The following CADM2 variants were observed in gnomAD, a reference collection of about 807,000 sequenced individuals.
CADM2 encodes the protein immunoglobulin superfamily member 4D.
CADM2 carries 12 observed loss-of-function variants against 49.8 expected under a neutral mutation model. The ratio of observed to expected loss-of-function variants is 0.24; its 90% CI spans 0.15 to 0.39. The LOEUF is 0.39. CADM2 is among the 10% of genes least tolerant of loss of function. CADM2 has a pLI of 1.00. For synonymous variants in CADM2, 214 were observed against 175.4 expected, an observed-to-expected ratio of 1.22 and a Z score of -1.74; for missense variants, 378 against 492.3, an observed-to-expected ratio of 0.77 and a Z score of 2.20.
At chr3:85,994,754 A>C (rs2108717231) in intron 8 of CADM2, 1 of 152,390 alleles carries the variant, frequency 6.6e-6, no homozygotes, top group South Asian at 2.1e-4. Flanking sequence ...GCTGGTCAGT[A>C]AATTAGTCAG....
At chr3:86,026,929 C>T (rs1733967953) in intron 8 of CADM2, among the ~76,000 whole-genome samples, 1 of 152,022 alleles carries the variant, frequency 6.6e-6, no homozygotes, top group Non-Finnish European at 1.5e-5. Flanking sequence ...TAGGCAAGAA[C>T]CTTGTATTAC....
At chr3:86,036,118 G>T (rs1380202519) in intron 8 of CADM2, among the ~76,000 whole-genome samples, 1 of 152,146 alleles carries the variant, frequency 6.6e-6, no homozygotes, top group Middle Eastern at 3.4e-3. Flanking sequence ...ATATGAATTT[G>T]GGGGAACACA....
chr3:85,763,142 G>A (rs1195931142), intron 2 of CADM2, among the ~76,000 whole-genome samples: 1 of 152,110 alleles, frequency 6.6e-6, no homozygotes, highest in Non-Finnish European at 1.5e-5. Context: ...ACAACTGACT[G>A]CATCATTGCA....
chr3:85,212,819 T>TTTCTTTCC lies in CADM2; in HGVS notation c.61+253158_61+253159insCTTCTTTC, dbSNP rs1313062830. On this transcript the variant is annotated intron_variant, in intron 1 of 9. Transcript: ENST00000383699. ...TATTTTCTTCTTTTTCTTCTCTTTC[T>TTTCTTTCC]TTCTTTCTTTCTTTCTTTCTTTCTT... Among the ~76,000 whole-genome samples, 111 of 65,234 alleles carry TTTCTTTCC rather than the reference T, an allele frequency of 1.7e-3. 21 individuals are homozygous for TTTCTTTCC. The highest frequency in any genetic ancestry group is 3.3e-3 in the Admixed American group (19 of 5,700). The allele number at this position is 65,234 out of a possible 152,430, so 42.8% of individuals were successfully genotyped here. A position where few individuals can be genotyped will look rare whatever the true frequency, so the allele number is the denominator to read the frequency against.
At chr3:84,967,880 C>A (rs959137562) in intron 1 of CADM2, among the ~76,000 whole-genome samples, 5 of 151,906 alleles carry the variant, frequency 3.3e-5, no homozygotes, top group African/African-American at 1.2e-4. Flanking sequence ...ATTCCGTAAT[C>A]TCTTAATAAA....
intron 8 of CADM2, among the ~76,000 whole-genome samples, chr3:86,063,274 A>G (rs1048816771): frequency 3.9e-5 from 6 of 152,212 alleles, no homozygotes; most frequent in African/African-American, 1.4e-4. Flanking sequence ...TCTCCATCGC[A>G]TACACAATAC....
At chr3:85,860,517 G>T (rs903902497) in intron 3 of CADM2, among the ~76,000 whole-genome samples, 5 of 152,090 alleles carry the variant, frequency 3.3e-5, no homozygotes, top group African/African-American at 1.2e-4. Flanking sequence ...TATAAACAAC[G>T]GAAGTTTATT....
At chr3:85,019,167 C>T (rs1277196393) in intron 1 of CADM2, among the ~76,000 whole-genome samples, 2 of 152,130 alleles carry the variant, frequency 1.3e-5, no homozygotes, top group Non-Finnish European at 2.9e-5. Context: ...TCTGGTGTGC[C>T]TGTAATGTTC....
chr3:85,534,252 T>G (rs1275576734), intron 1 of CADM2, among the ~76,000 whole-genome samples: 1 of 152,206 alleles, frequency 6.6e-6, no homozygotes, highest in East Asian at 1.9e-4. Context: ...TGCTGTCATA[T>G]GAAACCATCT....
At chr3:84,982,194 A>C (rs2032219308) in intron 1 of CADM2, among the ~76,000 whole-genome samples, 1 of 152,176 alleles carries the variant, frequency 6.6e-6, no homozygotes, top group South Asian at 2.1e-4. Flanking sequence ...GTGAGAAAAT[A>C]ATTCTTTTTA....
chr3:85,938,717 G>C lies in CADM2; in HGVS notation c.791+2860G>C, dbSNP rs573273072. On this transcript the variant is annotated intron_variant, in intron 7 of 9. Transcript: ENST00000383699. ...AGAACCACTGAGAAGCAATACTATA[G>C]CTTAGTATTAAGTAAGCTTAGTATA... is the stretch of plus-strand genomic sequence containing the variant. Among the ~76,000 whole-genome samples the C allele has an allele frequency of 3.3e-5, 5 of 151,786 alleles. No homozygotes were observed. In the South Asian group the frequency reaches 1.0e-3, roughly 32 times the overall value.
chr3:85,219,402 T>A (rs2041998165), intron 1 of CADM2, among the ~76,000 whole-genome samples: 1 of 152,144 alleles, frequency 6.6e-6, no homozygotes, highest in Non-Finnish European at 1.5e-5. Context: ...TCAAAACTGT[T>A]AAATTCAAAA....
intron 1 of CADM2, among the ~76,000 whole-genome samples, chr3:85,587,568 G>T (rs2062979750): frequency 2.6e-5 from 4 of 151,770 alleles, no homozygotes; most frequent in Non-Finnish European, 2.9e-5. Context: ...ATGATCCTTG[G>T]GTGTACATAG....
Position 85,658,576 on chromosome 3 carries a change from GTATATATATATATATATATATATATA to G in CADM2, c.62-67929_62-67904del, listed in dbSNP as rs397990421. Among the ~76,000 whole-genome samples the G allele has an allele frequency of 6.4e-4, 44 of 68,730 alleles. 1 individual carries two copies. The highest frequency in any genetic ancestry group is 5.2e-3 in the East Asian group (9 of 1,722). The allele number at this position is 68,730 out of a possible 152,430, so 45.1% of individuals were successfully genotyped here. A position where few individuals can be genotyped will look rare whatever the true frequency, so the allele number is the denominator to read the frequency against. ...CTCTATAAATATATTGGATATATGT[GTATATATATATATATATATATATATA>G]TATATATATATATATACATGTATGC... On this transcript the variant is annotated intron_variant, in intron 1 of 9. Transcript: ENST00000383699.
intron 1 of CADM2, among the ~76,000 whole-genome samples, chr3:85,656,777 C>G (rs1476459892): frequency 2.0e-5 from 3 of 152,226 alleles, no homozygotes; most frequent in East Asian, 3.9e-4. Flanking sequence ...AATATCTTTA[C>G]TAAATCAGTC....
rs7646889 is a variant in CADM2, at chr3:85,832,626, G to A, written c.238+30430G>A. ...TCAGCTTGAACATTATTGTTGTATA[G>A]AAATGCTACTGATTTTTATACATTG... On this transcript the variant is annotated intron_variant, in intron 3 of 9. Coordinates refer to ENST00000383699, the MANE Select transcript of CADM2 (RefSeq NM_001167675.2). 3.3e-5 allele frequency among the ~76,000 whole-genome samples: 5 copies of A among 151,606 alleles called. No individual in the cohort carries two copies. The South Asian group carries it at 1.0e-3, about 31-fold the overall frequency.
intron 3 of CADM2, 124 bp from the exon 4 acceptor site, chr3:85,883,167 A>G (rs1253402888): frequency 1.4e-6 from 1 of 731,068 alleles, no homozygotes; most frequent in Admixed American, 3.4e-5. Flanking sequence ...AACTGTTCCA[A>G]GAAATAAGAT....
At chr3:85,725,199 T>C (rs934037548) in intron 1 of CADM2, among the ~76,000 whole-genome samples, 2 of 151,898 alleles carry the variant, frequency 1.3e-5, no homozygotes, top group African/African-American at 4.8e-5. Flanking sequence ...AACTAGGATG[T>C]TCATTTTAAA....
At chr3:85,755,978 C>G (rs2069101241) in intron 2 of CADM2, among the ~76,000 whole-genome samples, 1 of 152,090 alleles carries the variant, frequency 6.6e-6, no homozygotes, top group African/African-American at 2.4e-5. Flanking sequence ...AGTTCCAAAC[C>G]TCTAATCACT....
Sources: gnomAD v4.1 joint callset for allele counts (sites outside exome capture counted in the v4.1 genomes callset) on GRCh38, gnomAD v4.1.1 for gene constraint, MANE v1.5 for transcripts, NCBI Gene and HGNC (gene_info 2026-07-23, HGNC 2026-07-21) for gene names.